Variants in ARK2N observed in about 807,000 individuals in gnomAD.
ARK2N encodes the protein arkadia (RNF111) N-terminal like PKA signaling regulator 2N, also known as protein ARK2N.
the ARK2N span, among the ~76,000 whole-genome samples, chr18:46,237,890 A>G: frequency 1.3e-5 from 2 of 152,204 alleles, no homozygotes; most frequent in Non-Finnish European, 2.9e-5. Context: ...CAGTGATCAT[A>G]ATTTATTTTC....
the ARK2N span, among the ~76,000 whole-genome samples, chr18:46,212,500 C>T: frequency 1.3e-5 from 2 of 151,936 alleles, no homozygotes; most frequent in African/African-American, 2.4e-5. Flanking sequence ...CTGTTTCTTA[C>T]CTCTCTATAT....
At chr18:46,251,636 T>C in the ARK2N span, among the ~76,000 whole-genome samples, 4 of 152,240 alleles carry the variant, frequency 2.6e-5, no homozygotes, top group Non-Finnish European at 5.9e-5. Flanking sequence ...CAAACTTGAT[T>C]ATTTTTCACA....
At chr18:46,240,032 A>T in the ARK2N span, 4 of 1,614,136 alleles carry the variant, frequency 2.5e-6, no homozygotes, top group Non-Finnish European at 3.4e-6. Flanking sequence ...GCTCATTATG[A>T]TATGTCTGAC....
chr18:46,202,813 A>G, the ARK2N span, among the ~76,000 whole-genome samples: 2 of 146,724 alleles, frequency 1.4e-5, no homozygotes, highest in East Asian at 1.9e-4. Flanking sequence ...AAAAAAAAAA[A>G]AAAGAAAGAA....
chr18:46,228,223 A>G, the ARK2N span, among the ~76,000 whole-genome samples: 1 of 152,144 alleles, frequency 6.6e-6, no homozygotes, highest in Non-Finnish European at 1.5e-5. Flanking sequence ...TTCTGTCTTC[A>G]CCTTCTTCCT....
chr18:46,254,066 TG>T, the ARK2N span, among the ~76,000 whole-genome samples: 2 of 152,252 alleles, frequency 1.3e-5, no homozygotes, highest in Non-Finnish European at 2.9e-5. Context: ...CTAGAGCTGA[TG>T]TTTTTTTCTT....
chr18:46,216,292 C>T, the ARK2N span: 12 of 1,613,832 alleles, frequency 7.4e-6, no homozygotes, highest in East Asian at 2.2e-5. The surrounding 1 kb of genome is among the most constrained non-coding windows in gnomAD (Gnocchi z 4.3). Flanking sequence ...CACAGTTGGG[C>T]GCAAGTCTAG....
the ARK2N span, among the ~76,000 whole-genome samples, chr18:46,187,114 A>G: frequency 6.6e-6 from 1 of 151,464 alleles, no homozygotes; most frequent in African/African-American, 2.4e-5. Flanking sequence ...TTGGCCTCCC[A>G]AAGTGCTGGG....
chr18:46,239,714 C>T, the ARK2N span, among the ~76,000 whole-genome samples: 1 of 152,030 alleles, frequency 6.6e-6, no homozygotes, highest in Non-Finnish European at 1.5e-5. Flanking sequence ...CTTAATCTTG[C>T]TCTTTAAAAG....
chr18:46,194,755 TGAGCCACC>T, the ARK2N span, among the ~76,000 whole-genome samples: 1 of 150,760 alleles, frequency 6.6e-6, no homozygotes, highest in Admixed American at 6.6e-5. Flanking sequence ...ATTACAGGTG[TGAGCCACC>T]GCGACCGGAT....
chr18:46,249,278 G>T, the ARK2N span, among the ~76,000 whole-genome samples: 1 of 152,012 alleles, frequency 6.6e-6, no homozygotes, highest in African/African-American at 2.4e-5. Flanking sequence ...CACCCAGGCT[G>T]GAGTGCAGCG....
chr18:46,248,939 TC>T, the ARK2N span, among the ~76,000 whole-genome samples: 1 of 152,172 alleles, frequency 6.6e-6, no homozygotes, highest in South Asian at 2.1e-4. Context: ...ATTGGACCAA[TC>T]CCCCATCCCT....
the ARK2N span, among the ~76,000 whole-genome samples, chr18:46,198,366 A>G: frequency 6.6e-6 from 1 of 151,098 alleles, no homozygotes; most frequent in Non-Finnish European, 1.5e-5. Flanking sequence ...TTAATTTTTA[A>G]TAGTTACATT....
the ARK2N span, chr18:46,265,586 G>T: frequency 2.0e-5 from 3 of 152,358 alleles, no homozygotes; most frequent in East Asian, 5.8e-4. Flanking sequence ...AGATGCAGAG[G>T]GGGAGGGGAA....
chr18:46,181,854 C>T, the ARK2N span, among the ~76,000 whole-genome samples: 1 of 152,126 alleles, frequency 6.6e-6, no homozygotes, highest in Non-Finnish European at 1.5e-5. Context: ...GTGATCCTCC[C>T]ATTTCAGCCT....
At chr18:46,255,451 T>TTTC in the ARK2N span, among the ~76,000 whole-genome samples, 1 of 83,334 alleles carries the variant, frequency 1.2e-5, no homozygotes, top group Non-Finnish European at 2.8e-5. Context: ...TTTTCTTTTT[T>TTTC]TTTTTTTTTT....
chr18:46,200,099 C>T, the ARK2N span, among the ~76,000 whole-genome samples: 1 of 149,584 alleles, frequency 6.7e-6, no homozygotes, highest in African/African-American at 2.5e-5. Context: ...TGTGCGCGCG[C>T]GTGCTGGGGG....
chr18:46,246,664 T>C, the ARK2N span, among the ~76,000 whole-genome samples: 6 of 20,680 alleles, frequency 2.9e-4, no homozygotes, highest in Non-Finnish European at 8.2e-4. Context: ...GACCCTAGGC[T>C]AGGCGCGGAG....
the ARK2N span, among the ~76,000 whole-genome samples, chr18:46,256,879 T>C: frequency 0.012 from 1,874 of 152,294 alleles, 49 homozygotes; most frequent in African/African-American, 0.043. Flanking sequence ...CTTTCAAACA[T>C]TGGGATTAAA....
Sources: allele counts gnomAD v4.1 joint callset (sites outside exome capture counted in the v4.1 genomes callset), GRCh38; gene constraint gnomAD v4.1.1; non-coding constraint Gnocchi (gnomAD v3.1); transcripts MANE v1.5; gene names NCBI Gene and HGNC (gene_info 2026-07-23, HGNC 2026-07-21).